The following GRIA4 variants were observed in gnomAD, a reference collection of about 807,000 sequenced individuals.
GRIA4 encodes the protein glutamate receptor 4.
GRIA4 carries 34 observed loss-of-function variants against 104.0 expected under a neutral mutation model. The ratio of observed to expected loss-of-function variants is 0.33; its 90% CI spans 0.25 to 0.44. The LOEUF (loss-of-function observed/expected upper bound fraction) is 0.44, where lower values mean the gene tolerates loss of function less well. Among genes scored for constraint, GRIA4 ranks in the 20% least tolerant of loss-of-function variants. The pLI is 1.00. For missense variants in GRIA4, 750 were observed against 1,096.5 expected, an observed-to-expected ratio of 0.68 and a Z score of 4.46; for synonymous variants, 386 against 381.9, an observed-to-expected ratio of 1.01 and a Z score of -0.13.
At chr11:105,949,747 CTGGT>C (rs1219759902) in intron 14 of GRIA4, among the ~76,000 whole-genome samples, 1 of 152,130 alleles carries the variant, frequency 6.6e-6, no homozygotes, top group Non-Finnish European at 1.5e-5. Flanking sequence ...AAAGGAATTC[CTGGT>C]GAATGTTCTA....
chr11:105,824,576 T>C (rs1943696802), intron 4 of GRIA4: 1 of 152,098 alleles, frequency 6.6e-6, no homozygotes, highest in African/African-American at 2.4e-5. Context: ...GTGATTATAT[T>C]TGTACCATAT....
At chr11:105,771,595 T>TA (rs1362209436) in intron 4 of GRIA4, among the ~76,000 whole-genome samples, 1 of 152,116 alleles carries the variant, frequency 6.6e-6, no homozygotes, top group African/African-American at 2.4e-5. Flanking sequence ...TTACACAGTG[T>TA]ATATATGTTC....
chr11:105,898,681 G>GAATT (rs1315795564), intron 7 of GRIA4, among the ~76,000 whole-genome samples: 1 of 152,014 alleles, frequency 6.6e-6, no homozygotes, highest in East Asian at 1.9e-4. Context: ...TTTTCTTTCA[G>GAATT]AATTAAATTT....
chr11:105,754,886 A>C (rs1940210763), intron 4 of GRIA4, among the ~76,000 whole-genome samples: 1 of 152,226 alleles, frequency 6.6e-6, no homozygotes, highest in African/African-American at 2.4e-5. Context: ...CCAATATCTC[A>C]ATAAATTTTG....
At chr11:105,617,439 A>T (rs1252755144) in intron 3 of GRIA4, among the ~76,000 whole-genome samples, 3 of 151,940 alleles carry the variant, frequency 2.0e-5, no homozygotes, top group African/African-American at 7.2e-5. Flanking sequence ...GCTTGAACTA[A>T]TTCTTATACC....
intron 4 of GRIA4, among the ~76,000 whole-genome samples, chr11:105,841,179 A>G (rs1944378487): frequency 6.6e-6 from 1 of 152,148 alleles, no homozygotes; most frequent in Admixed American, 6.5e-5. Flanking sequence ...AAAAAGTCAC[A>G]TAAGTCAACA....
At chr11:105,695,185 C>A (rs530568323) in intron 3 of GRIA4, among the ~76,000 whole-genome samples, 1 of 152,198 alleles carries the variant, frequency 6.6e-6, no homozygotes, top group Non-Finnish European at 1.5e-5. Flanking sequence ...TATGTATTCT[C>A]AACTTGTGTT....
chr11:105,723,116 G>A (rs1330703141), intron 3 of GRIA4, among the ~76,000 whole-genome samples: 2 of 151,760 alleles, frequency 1.3e-5, no homozygotes, highest in Non-Finnish European at 2.9e-5. Context: ...AAGGAAAGGG[G>A]GAAAAAACCC....
intron 3 of GRIA4, among the ~76,000 whole-genome samples, chr11:105,744,127 C>T (rs899993863): frequency 6.6e-6 from 1 of 152,172 alleles, no homozygotes; most frequent in Non-Finnish European, 1.5e-5. Context: ...CCAATTCCCT[C>T]TGACTGTTCC....
In GRIA4 at chr11:105,724,380, C is replaced by T. The variant is rs60149019; in HGVS notation, c.248-28601C>T. Among the ~76,000 whole-genome samples, 717 of 89,298 alleles carry T rather than the reference C, an allele frequency of 8.0e-3. 10 individuals carry two copies. The highest frequency in any genetic ancestry group is 0.03 in the African/African-American group (663 of 22,050). The allele number at this position is 89,298 out of a possible 152,430, so 58.6% of individuals were successfully genotyped here. A position where few individuals can be genotyped will look rare whatever the true frequency, so the allele number is the denominator to read the frequency against. On this transcript the variant is annotated intron_variant, in intron 3 of 16. Coordinates refer to ENST00000282499, the MANE Select transcript of GRIA4 (RefSeq NM_000829.4). ...GGATACACACACACCATTATATATA[C>T]ACACACACACACACACATATATATA...
intron 7 of GRIA4, among the ~76,000 whole-genome samples, chr11:105,902,336 T>C (rs1216376394): frequency 1.3e-5 from 2 of 151,946 alleles, no homozygotes; most frequent in Admixed American, 1.3e-4. Context: ...TTTTCTTTTT[T>C]TTTTTTCTTT....
intron 3 of GRIA4, among the ~76,000 whole-genome samples, chr11:105,660,204 A>G (rs1013439345): frequency 6.6e-6 from 1 of 151,760 alleles, no homozygotes; most frequent in Non-Finnish European, 1.5e-5. Flanking sequence ...TTGAAATTCC[A>G]GATGGAAATA....
intron 4 of GRIA4, among the ~76,000 whole-genome samples, chr11:105,832,000 G>C (rs1008331905): frequency 7.9e-5 from 12 of 152,016 alleles, no homozygotes; most frequent in Admixed American, 5.3e-4. Context: ...TGCTGGATTG[G>C]AGGGGCCTGT....
At chr11:105,621,658 T>C (rs896469903) in intron 3 of GRIA4, among the ~76,000 whole-genome samples, 6 of 151,946 alleles carry the variant, frequency 3.9e-5, no homozygotes, top group African/African-American at 1.2e-4. Flanking sequence ...AGGTCTTTGA[T>C]ATTACAAACT....
rs934573303 is a variant in GRIA4, at chr11:105,875,469, G to A, written c.673-12050G>A. 9.2e-5 allele frequency among the ~76,000 whole-genome samples: 14 copies of A among 152,194 alleles called. No homozygotes were observed. In the East Asian group the frequency reaches 2.7e-3, roughly 29 times the overall value. ...GGAGTCCTTCTTTTTCTATTGTTTG[G>A]AATTGTTTCAGAAGGAATGGTACCA... On this transcript the variant is annotated intron_variant, in intron 5 of 16. Transcript: ENST00000282499.
Position 105,667,038 on chromosome 11 carries a change from T to A in GRIA4, c.247+54604T>A, listed in dbSNP as rs183443841. ...TCCTACAATGGATTTCCTAATTATA[T>A]GTTTAAATCTGTTCAAAATCACAAC... On this transcript the variant is annotated intron_variant, in intron 3 of 16. Transcript: ENST00000282499. Among the ~76,000 whole-genome samples, 533 of 152,146 alleles carry A rather than the reference T, an allele frequency of 3.5e-3. 4 individuals are homozygous for A. Among genetic ancestry groups the A allele is most frequent in the African/African-American group, 0.011 (477 of 41,554 alleles).
At chr11:105,659,999 A>C (rs1474162973) in intron 3 of GRIA4, among the ~76,000 whole-genome samples, 1 of 151,818 alleles carries the variant, frequency 6.6e-6, no homozygotes, top group Admixed American at 6.6e-5. Flanking sequence ...AAATATTAAA[A>C]TTCAAAGTCA....
At chr11:105,810,312 T>C (rs1943121645) in intron 4 of GRIA4, among the ~76,000 whole-genome samples, 1 of 152,212 alleles carries the variant, frequency 6.6e-6, no homozygotes, top group African/African-American at 2.4e-5. Context: ...GGGAGATAGC[T>C]TGCCAGTTGT....
intron 3 of GRIA4, among the ~76,000 whole-genome samples, chr11:105,636,613 T>C (rs1951209912): frequency 6.6e-6 from 1 of 152,212 alleles, no homozygotes; most frequent in South Asian, 2.1e-4. Context: ...GTTTTGGAAG[T>C]CCATTTTCTA....
Sources: allele counts gnomAD v4.1 joint callset (sites outside exome capture counted in the v4.1 genomes callset), GRCh38; gene constraint gnomAD v4.1.1; transcripts MANE v1.5; gene names NCBI Gene and HGNC (gene_info 2026-07-23, HGNC 2026-07-21).